The following MCF2L2 variants were observed in gnomAD, a reference collection of about 807,000 sequenced individuals.
MCF2L2 encodes the protein MCF.2 cell line derived transforming sequence-like 2.
MCF2L2 carries 102 observed loss-of-function variants against 150.2 expected under a neutral mutation model. The ratio of observed to expected loss-of-function variants is 0.68; its 90% CI spans 0.58 to 0.80. The LOEUF (loss-of-function observed/expected upper bound fraction) is 0.80, where lower values mean the gene tolerates loss of function less well. Ranked by LOEUF, MCF2L2 falls within the 30% of genes least tolerant of loss-of-function variation. MCF2L2 has a pLI of 0.00. For missense variants in MCF2L2, 1,256 were observed against 1,372.8 expected (o/e 0.91, Z 1.34); for synonymous variants, 465 against 491.3 (o/e 0.95, Z 0.71).
chr3:183,238,995 CAA>C (rs60736939), intron 15 of MCF2L2, among the ~76,000 whole-genome samples: 69 of 88,874 alleles, frequency 7.8e-4, no homozygotes, highest in Non-Finnish European at 1.6e-3. Context: ...ATATCCGTCT[CAA>C]AAAAAAAAAA....
intron 1 of MCF2L2, among the ~76,000 whole-genome samples, chr3:183,396,604 AG>A (rs1180190897): frequency 6.6e-6 from 1 of 152,222 alleles, no homozygotes; most frequent in African/African-American, 2.4e-5. Context: ...CATGAAGGCA[AG>A]AAAAAATATA....
chr3:183,334,088 C>G (rs917004161), intron 5 of MCF2L2, among the ~76,000 whole-genome samples: 1 of 151,832 alleles, frequency 6.6e-6, no homozygotes, highest in Non-Finnish European at 1.5e-5. Flanking sequence ...CAATGAATGA[C>G]AAACCACTGA....
At position 183,207,521 on chromosome 3, in the gene MCF2L2, T is replaced by C. The variant is rs115951656; in HGVS notation, c.2712+87A>G. The C allele has an allele frequency of 1.6e-3, 1,620 of 1,036,104 alleles. 16 individuals are homozygous for C. In the African/African-American group the frequency reaches 0.021, roughly 13 times the overall value. 64.2% of individuals were successfully genotyped at this position (1,036,104 alleles called of 1,614,324 possible). On this transcript the variant is annotated intron_variant, in intron 23 of 29. Coordinates refer to ENST00000328913, the MANE Select transcript of MCF2L2 (RefSeq NM_015078.4). ...GCAAGTTAACTTCACCTCTCTACAC[T>C]GCAGCTTCCTCATCTGTAAAATAAG... is the stretch of plus-strand genomic sequence containing the variant.
chr3:183,302,923 G>A (rs956820014), intron 10 of MCF2L2, among the ~76,000 whole-genome samples: 1 of 151,124 alleles, frequency 6.6e-6, no homozygotes, highest in Non-Finnish European at 1.5e-5. Context: ...GGCTGGGCGC[G>A]GTGGCTCACA....
chr3:183,179,585 C>T lies in MCF2L2; in HGVS notation c.3213G>A (p.Glu1071=), dbSNP rs1721442970. The T allele has an allele frequency of 1.2e-6, 2 of 1,614,024 alleles. No homozygotes were observed. Among genetic ancestry groups the T allele is most frequent in the African/African-American group, 1.3e-5 (1 of 74,942 alleles). ...SSQGEKEERD[E]EETATRSTEE... is the part of the protein sequence containing the mutation. The stretch of plus-strand genomic sequence containing the variant: ...TCCTCGCTCACACTCACGTTTCCTC[C>T]TCATCGCGTTCTTCTTTTTCTCCCT... Residue 1071 remains glutamate (E), a synonymous_variant, in exon 29 of 30, where the codon GAG becomes GAA. Transcript: ENST00000328913. This position sits in a 1 kb window ranked among gnomAD's most constrained non-coding sequence, Gnocchi z 4.2.
rs146394707 is a variant in MCF2L2, at chr3:183,310,874, G to A, written c.993+41C>T. The A allele has an allele frequency of 7.0e-4, 971 of 1,384,932 alleles. 8 individuals carry two copies. In the African/African-American group the frequency reaches 0.011, roughly 15 times the overall value. The allele number at this position is 1,384,932 out of a possible 1,614,324, so 85.8% of individuals were successfully genotyped here. ...GGAGGGAGAGAAAACCAGAGGTCCCGGTACCAGAAAAGAAAGTTACAGTAA... is the reference window on the plus strand; with the variant it reads ...GGAGGGAGAGAAAACCAGAGGTCCCAGTACCAGAAAAGAAAGTTACAGTAA... On this transcript the variant is annotated intron_variant, in intron 9 of 29. Transcript: ENST00000328913.
At chr3:183,244,483 A>G (rs1190110966) in intron 15 of MCF2L2, among the ~76,000 whole-genome samples, 1 of 151,926 alleles carries the variant, frequency 6.6e-6, no homozygotes, top group African/African-American at 2.4e-5. Context: ...GTGTGAGTCA[A>G]CTCTCCTAAT....
chr3:183,324,926 G>A (rs959477156), intron 5 of MCF2L2, among the ~76,000 whole-genome samples: 3 of 151,726 alleles, frequency 2.0e-5, no homozygotes, highest in Non-Finnish European at 2.9e-5. Flanking sequence ...ATACATCATG[G>A]AATACTATGC....
intron 21 of MCF2L2, among the ~76,000 whole-genome samples, chr3:183,216,835 C>T (rs1400870251): frequency 6.6e-6 from 1 of 150,590 alleles, no homozygotes; most frequent in Non-Finnish European, 1.5e-5. Context: ...AAACTCCTAA[C>T]CTCAGGTGAT....
intron 15 of MCF2L2, among the ~76,000 whole-genome samples, chr3:183,249,446 G>A (rs1211870632): frequency 6.6e-6 from 1 of 152,234 alleles, no homozygotes; most frequent in African/African-American, 2.4e-5. Flanking sequence ...CCCACTGAGT[G>A]TCAGATGGCA....
intron 1 of MCF2L2, 82 bp downstream of exon 1, chr3:183,427,820 T>G (rs879228454): frequency 6.6e-6 from 8 of 1,206,808 alleles, no homozygotes; most frequent in Middle Eastern, 2.4e-4. Flanking sequence ...GGGCAGCGGG[T>G]GAGGCCAGGA....
chr3:183,201,821 G>A (rs747116357), intron 25 of MCF2L2, among the ~76,000 whole-genome samples: 1 of 152,178 alleles, frequency 6.6e-6, no homozygotes, highest in Non-Finnish European at 1.5e-5. Flanking sequence ...TTTATTGAGA[G>A]TTTTTAGCAT....
chr3:183,365,471 C>T (rs1712466997), intron 3 of MCF2L2, among the ~76,000 whole-genome samples: 1 of 152,190 alleles, frequency 6.6e-6, no homozygotes, highest in Admixed American at 6.5e-5. Flanking sequence ...GTTTGTTGCT[C>T]ATTTATGAAT....
At chr3:183,382,090 G>A (rs1332489487) in intron 2 of MCF2L2, among the ~76,000 whole-genome samples, 1 of 150,558 alleles carries the variant, frequency 6.6e-6, no homozygotes, top group African/African-American at 2.5e-5. Context: ...ATGGAATCTC[G>A]CTCTGTCACC....
At chr3:183,219,244 A>G (rs1365323987) in intron 21 of MCF2L2, among the ~76,000 whole-genome samples, 1 of 152,218 alleles carries the variant, frequency 6.6e-6, no homozygotes, top group Non-Finnish European at 1.5e-5. Flanking sequence ...GCCACAGCAG[A>G]CATTTTATCA....
In MCF2L2 at chr3:183,270,431, A is replaced by G; in HGVS notation, c.1862+6441T>C. The stretch of plus-strand genomic sequence containing the variant: ...TGATTGAGTACCTTCAAAGTTTAGA[A>G]CAAATTGGTGTTCAAGACTTTTGGA... On this transcript the variant is annotated intron_variant, in intron 15 of 29. Transcript: ENST00000328913. The surrounding 1 kb of genome is among the most constrained non-coding windows in gnomAD (Gnocchi z 4.5). 6.2e-7 allele frequency: 1 copy of G among 1,614,210 alleles called. No individual in the cohort carries two copies. The highest frequency in any genetic ancestry group is 8.5e-7 in the Non-Finnish European group (1 of 1,180,038).
intron 3 of MCF2L2, among the ~76,000 whole-genome samples, chr3:183,370,695 C>A (rs1382694520): frequency 1.3e-5 from 2 of 152,168 alleles, no homozygotes; most frequent in African/African-American, 2.4e-5. Context: ...ACATCAGACC[C>A]CTAGTTTTTA....
chr3:183,248,568 C>T, intron 15 of MCF2L2, among the ~76,000 whole-genome samples: 1 of 152,138 alleles, frequency 6.6e-6, no homozygotes, highest in East Asian at 1.9e-4. Flanking sequence ...GGTGCAGTGG[C>T]TCATACCTGT....
chr3:183,407,878 G>A (rs1029865373), intron 1 of MCF2L2, among the ~76,000 whole-genome samples: 1 of 152,146 alleles, frequency 6.6e-6, no homozygotes, highest in South Asian at 2.1e-4. Context: ...TTCTAGTCTA[G>A]GTCCTGCACC....
Sources: allele counts gnomAD v4.1 joint callset (sites outside exome capture counted in the v4.1 genomes callset), GRCh38; gene constraint gnomAD v4.1.1; non-coding constraint Gnocchi (gnomAD v3.1); transcripts MANE v1.5; gene names NCBI Gene and HGNC (gene_info 2026-07-23, HGNC 2026-07-21).